NCALD: variants seen among roughly 807,000 people sequenced by gnomAD.
The protein encoded by NCALD is neurocalcin-delta.
Under a neutral mutation model 18.6 loss-of-function variants are expected in NCALD, and 10 were observed. That is an observed-to-expected ratio of 0.54 (90% confidence interval 0.33 to 0.91). The LOEUF (loss-of-function observed/expected upper bound fraction) is 0.91, where lower values mean the gene tolerates loss of function less well. Among genes scored for constraint, NCALD ranks in the 40% least tolerant of loss-of-function variants. NCALD has a pLI of 0.03. For missense variants in NCALD, 184 were observed against 247.6 expected (o/e 0.74, Z 1.72); for synonymous variants, 88 against 87.4 (o/e 1.01, Z -0.04).
chr8:102,072,458 T>C (rs1192501839), intron 1 of NCALD, among the ~76,000 whole-genome samples: 1 of 152,138 alleles, frequency 6.6e-6, no homozygotes, highest in Non-Finnish European at 1.5e-5. Context: ...TAGTCAACCA[T>C]TTTTCAACCT....
chr8:101,708,286 C>A (rs781429942), intron 2 of NCALD, among the ~76,000 whole-genome samples: 7 of 152,160 alleles, frequency 4.6e-5, no homozygotes, highest in African/African-American at 1.7e-4. Context: ...CTGATCTCTG[C>A]CGGTAAAGAC....
intron 1 of NCALD, among the ~76,000 whole-genome samples, chr8:101,769,719 A>C (rs1027780589): frequency 3.3e-5 from 5 of 151,664 alleles, no homozygotes; most frequent in African/African-American, 1.2e-4. Flanking sequence ...AAGGTTAAAA[A>C]CTCTTCCTAA....
intron 2 of NCALD, among the ~76,000 whole-genome samples, chr8:102,016,552 T>C (rs1265668128): frequency 6.6e-6 from 1 of 152,196 alleles, no homozygotes; most frequent in African/African-American, 2.4e-5. Context: ...ATGCCAAGCA[T>C]AAGGTCACTG....
chr8:101,967,700 C>T lies in NCALD; in HGVS notation c.-156-51842G>A, dbSNP rs1404825690. On this transcript the variant is annotated intron_variant, in intron 2 of 6. Transcript: ENST00000311028. ...TCAATGCCAGCAAGAGTTCTGGGAA[C>T]CAAGGCCCCACACTGCCACCAGCAA... 2.6e-5 allele frequency among the ~76,000 whole-genome samples: 4 copies of T among 152,200 alleles called. 1 individual carries two copies. In the East Asian group the frequency reaches 7.7e-4, roughly 29 times the overall value.
intron 4 of NCALD, among the ~76,000 whole-genome samples, chr8:101,805,378 T>A (rs565389980): frequency 6.6e-6 from 1 of 152,318 alleles, no homozygotes; most frequent in Admixed American, 6.5e-5. Flanking sequence ...GCTCTAAGGT[T>A]AGTGAGTGCA....
chr8:101,692,557 G>C, intron 3 of NCALD: 2 of 985,374 alleles, frequency 2.0e-6, no homozygotes, highest in Non-Finnish European at 2.4e-6. Context: ...TGTTTTCTTG[G>C]AGGTAGAAGT....
At chr8:102,076,824 T>G (rs1824364290) in intron 1 of NCALD, among the ~76,000 whole-genome samples, 1 of 152,232 alleles carries the variant, frequency 6.6e-6, no homozygotes, top group Non-Finnish European at 1.5e-5. Context: ...CACGCCTTCC[T>G]TCTGAAATGA....
chr8:101,956,334 T>C (rs950816778), intron 2 of NCALD, among the ~76,000 whole-genome samples: 1 of 152,112 alleles, frequency 6.6e-6, no homozygotes. Context: ...AATGACTATG[T>C]TTAAATGAAT....
intron 1 of NCALD, among the ~76,000 whole-genome samples, chr8:102,064,554 T>C (rs2132270208): frequency 6.6e-6 from 1 of 152,340 alleles, no homozygotes; most frequent in Admixed American, 6.5e-5. Flanking sequence ...ACTCCCTTTC[T>C]CAGACACTTG....
rs796074834 is a variant in NCALD, at chr8:101,805,345, G to T, written c.-20+81796C>A. Among the ~76,000 whole-genome samples, 12 of 152,252 alleles carry T rather than the reference G, an allele frequency of 7.9e-5. No homozygotes were observed. In the East Asian group the frequency reaches 1.9e-3, roughly 25 times the overall value. On this transcript the variant is annotated intron_variant, in intron 4 of 6. Transcript: ENST00000311028. ...AGGAATATAATTATCTCCTTGGAAA[G>T]GTAGGACACCAGCCTTTCTTCAGCT...
At chr8:101,928,461 T>C (rs1388865424) in intron 2 of NCALD, among the ~76,000 whole-genome samples, 1 of 152,136 alleles carries the variant, frequency 6.6e-6, no homozygotes, top group Non-Finnish European at 1.5e-5. Flanking sequence ...GATGATAATT[T>C]TTCAACTTTT....
intron 1 of NCALD, among the ~76,000 whole-genome samples, chr8:102,105,922 C>T (rs1034323010): frequency 6.6e-6 from 1 of 151,996 alleles, no homozygotes; most frequent in Non-Finnish European, 1.5e-5. Flanking sequence ...GAGAAGATTC[C>T]GTGAGATAAT....
intron 1 of NCALD, among the ~76,000 whole-genome samples, chr8:102,098,545 T>C (rs1825177344): frequency 6.6e-6 from 1 of 152,222 alleles, no homozygotes; most frequent in Admixed American, 6.5e-5. Context: ...GAAATAATTC[T>C]TCAATTAAAC....
chr8:101,894,974 A>T (rs1817096638), intron 3 of NCALD, among the ~76,000 whole-genome samples: 1 of 150,988 alleles, frequency 6.6e-6, no homozygotes, highest in Non-Finnish European at 1.5e-5. Context: ...AACTACTCCA[A>T]TCAATAGAAA....
chr8:102,066,409 G>GTAAC (rs1824010054), intron 1 of NCALD, among the ~76,000 whole-genome samples: 1 of 152,214 alleles, frequency 6.6e-6, no homozygotes, highest in Non-Finnish European at 1.5e-5. Flanking sequence ...CATTTGTTCA[G>GTAAC]TAATTCTAGA....
At chr8:101,831,094 A>G (rs1433933127) in intron 4 of NCALD, among the ~76,000 whole-genome samples, 2 of 152,152 alleles carry the variant, frequency 1.3e-5, no homozygotes, top group East Asian at 1.9e-4. Flanking sequence ...GGCAGCCTCA[A>G]TCCATATTTT....
intron 4 of NCALD, among the ~76,000 whole-genome samples, chr8:101,810,300 A>G (rs920811880): frequency 6.6e-6 from 1 of 152,198 alleles, no homozygotes; most frequent in African/African-American, 2.4e-5. Flanking sequence ...AGTTGGCAAT[A>G]TTTGTAACTA....
chr8:102,109,422 G>A (rs560961256), intron 1 of NCALD, among the ~76,000 whole-genome samples: 1 of 152,154 alleles, frequency 6.6e-6, no homozygotes, highest in East Asian at 1.9e-4. Context: ...ATAAATTATA[G>A]TTGGATTAAA....
intron 2 of NCALD, among the ~76,000 whole-genome samples, chr8:101,987,214 T>G (rs994368737): frequency 1.3e-5 from 2 of 152,198 alleles, no homozygotes; most frequent in African/African-American, 4.8e-5. Flanking sequence ...ACGGGGCGAC[T>G]ATTGCCTTTT....
Sources: allele counts gnomAD v4.1 joint callset (sites outside exome capture counted in the v4.1 genomes callset), GRCh38; gene constraint gnomAD v4.1.1; transcripts MANE v1.5; gene names NCBI Gene and HGNC (gene_info 2026-07-23, HGNC 2026-07-21).